PEAK1: variants seen among roughly 807,000 people sequenced by gnomAD.
The protein encoded by PEAK1 is inactive tyrosine-protein kinase PEAK1.
Under a neutral mutation model 124.7 loss-of-function variants are expected in PEAK1, and 54 were observed. The observed-to-expected ratio is 0.43, with a 90% CI of 0.35 to 0.54. The LOEUF is 0.54. PEAK1 is among the 20% of genes least tolerant of loss of function. The pLI is 0.01. For synonymous variants in PEAK1, 719 were observed against 760.0 expected, an observed-to-expected ratio of 0.95 and a Z score of 0.89; for missense variants, 2,046 against 2,134.5, an observed-to-expected ratio of 0.96 and a Z score of 0.82.
intron 1 of PEAK1, among the ~76,000 whole-genome samples, chr15:77,389,683 G>A (rs528655378): frequency 6.6e-6 from 1 of 152,196 alleles, no homozygotes; most frequent in African/African-American, 2.4e-5. Flanking sequence ...TATTGGAGGA[G>A]GCATCAAGGT....
chr15:77,306,077 T>G (rs1302548908), intron 2 of PEAK1, among the ~76,000 whole-genome samples: 1 of 152,224 alleles, frequency 6.6e-6, no homozygotes, highest in Non-Finnish European at 1.5e-5. Flanking sequence ...AAATTTTATA[T>G]ACACTGTAGG....
At chr15:77,323,560 G>A (rs560729459) in intron 2 of PEAK1, among the ~76,000 whole-genome samples, 11 of 152,208 alleles carry the variant, frequency 7.2e-5, no homozygotes, top group African/African-American at 2.6e-4. Context: ...AAAATACCTA[G>A]GAATCCAACG....
intron 1 of PEAK1, chr15:77,419,336 G>C: frequency 2.0e-6 from 2 of 985,352 alleles, no homozygotes; most frequent in Non-Finnish European, 2.4e-6. Flanking sequence ...CAGACGGCAA[G>C]TCCCCATCGA....
Position 77,284,976 on chromosome 15 carries a change from G to A in PEAK1, c.-441C>T, listed in dbSNP as rs2062849926. 1 of 152,040 alleles carries A rather than the reference G, an allele frequency of 6.6e-6. No homozygotes were observed. The highest frequency in any genetic ancestry group is 2.1e-4 in the South Asian group (1 of 4,790). 9.4% of individuals were successfully genotyped at this position (152,040 alleles called of 1,614,324 possible). On this transcript the variant is annotated 5_prime_UTR_variant, in exon 4 of 10. Coordinates refer to ENST00000682557, the MANE Select transcript of PEAK1 (RefSeq NM_001385026.1). ...CACGCACCTGTAGACCCAGCTGCTT[G>A]GGAGGCTGAGGCAGGAGAATTACTC...
At chr15:77,101,696 G>A (rs1019905186) in exon 7 of PEAK1, 6 of 152,198 alleles carry the variant, frequency 3.9e-5, no homozygotes, top group African/African-American at 1.4e-4. Context: ...CCCTGGGGAG[G>A]AGGGGGTCTT....
At chr15:77,136,666 C>CA (rs35089090) in intron 8 of PEAK1, among the ~76,000 whole-genome samples, 8 of 150,270 alleles carry the variant, frequency 5.3e-5, no homozygotes, top group South Asian at 4.2e-4. Flanking sequence ...ACCCCGTCTC[C>CA]AAAAAAATAA....
intron 2 of PEAK1, chr15:77,336,058 T>C: frequency 2.0e-6 from 2 of 985,372 alleles, no homozygotes; most frequent in Non-Finnish European, 2.4e-6. Flanking sequence ...ATAACAAGAA[T>C]AACAGTGCCA....
intron 7 of PEAK1, among the ~76,000 whole-genome samples, chr15:77,171,403 T>G (rs925873056): frequency 2.0e-5 from 3 of 152,096 alleles, no homozygotes; most frequent in African/African-American, 7.2e-5. Flanking sequence ...GACATTATGC[T>G]AGGTGAAATA....
intron 6 of PEAK1, among the ~76,000 whole-genome samples, chr15:77,226,043 G>GGA (rs1174445387): frequency 4.1e-4 from 3 of 7,392 alleles, no homozygotes; most frequent in Admixed American, 1.4e-3. Context: ...GAAAATAAAG[G>GGA]GATATATATA....
intron 1 of PEAK1, among the ~76,000 whole-genome samples, chr15:77,376,974 T>C (rs1175899364): frequency 6.6e-6 from 1 of 152,216 alleles, no homozygotes; most frequent in Non-Finnish European, 1.5e-5. Flanking sequence ...CTATATAGTA[T>C]AGCCTACTAT....
intron 6 of PEAK1, among the ~76,000 whole-genome samples, chr15:77,205,255 T>TA (rs397777308): frequency 1.3e-5 from 2 of 150,464 alleles, no homozygotes; most frequent in African/African-American, 4.9e-5. Context: ...ATTTTTTTTT[T>TA]AAGATCAAAT....
At chr15:77,312,241 T>G (rs992054241) in intron 2 of PEAK1, among the ~76,000 whole-genome samples, 4 of 152,170 alleles carry the variant, frequency 2.6e-5, no homozygotes, top group African/African-American at 9.7e-5. Flanking sequence ...CAGTAACAGA[T>G]GACAGGTAAC....
intron 2 of PEAK1, chr15:77,347,124 G>T: frequency 2.7e-6 from 2 of 736,546 alleles, no homozygotes; most frequent in Non-Finnish European, 3.3e-6. Flanking sequence ...GAATAAACTT[G>T]GTATATTCAT....
chr15:77,334,233 G>A, intron 2 of PEAK1: 1 of 984,330 alleles, frequency 1.0e-6, no homozygotes, highest in Non-Finnish European at 1.2e-6. Context: ...CATAATTTTA[G>A]TTCAAATAGG....
intron 8 of PEAK1, among the ~76,000 whole-genome samples, chr15:77,151,603 G>C (rs1329805218): frequency 6.6e-6 from 1 of 152,116 alleles, no homozygotes; most frequent in Non-Finnish European, 1.5e-5. Flanking sequence ...TGTCCTGAAT[G>C]GTATTGCCTA....
chr15:77,376,927 T>C (rs1381902971), intron 1 of PEAK1, among the ~76,000 whole-genome samples: 1 of 152,230 alleles, frequency 6.6e-6, no homozygotes, highest in East Asian at 1.9e-4. Context: ...CAGTAGGTGA[T>C]CATTGTGCAA....
intron 6 of PEAK1, among the ~76,000 whole-genome samples, chr15:77,217,222 C>CAAAAA (rs34034344): frequency 2.9e-5 from 2 of 68,330 alleles, no homozygotes; most frequent in Non-Finnish European, 5.2e-5. Context: ...GACTCTGTCT[C>CAAAAA]AAAAAAAAAA....
intron 6 of PEAK1, among the ~76,000 whole-genome samples, chr15:77,208,688 A>C (rs1212869770): frequency 1.3e-5 from 2 of 152,208 alleles, no homozygotes; most frequent in Non-Finnish European, 2.9e-5. Context: ...CAAAAAAACC[A>C]ATCTTCTATT....
chr15:77,402,424 C>A (rs1341688570), intron 1 of PEAK1: 61 of 985,056 alleles, frequency 6.2e-5, no homozygotes, highest in Non-Finnish European at 7.2e-5. Flanking sequence ...ATTTATTTAG[C>A]CAAATGGTCT....
Sources: allele counts gnomAD v4.1 joint callset (sites outside exome capture counted in the v4.1 genomes callset), GRCh38; gene constraint gnomAD v4.1.1; transcripts MANE v1.5; gene names NCBI Gene and HGNC (gene_info 2026-07-23, HGNC 2026-07-21).